The following ABLIM1 variants were observed in gnomAD, a reference collection of about 807,000 sequenced individuals.
ABLIM1 encodes the protein actin binding LIM protein 1.
In ABLIM1, 40 loss-of-function variants were observed where a neutral mutation model predicts 107.0. That is an observed-to-expected ratio of 0.37 (90% confidence interval 0.29 to 0.49). The LOEUF (loss-of-function observed/expected upper bound fraction) is 0.49. ABLIM1 is among the 20% of genes least tolerant of loss of function. ABLIM1 has a pLI of 0.97. For synonymous variants in ABLIM1, 357 were observed against 357.3 expected (o/e 1.00, Z 0.01); for missense variants, 857 against 1,008.5 (o/e 0.85, Z 2.04).
intron 1 of ABLIM1, among the ~76,000 whole-genome samples, chr10:114,608,250 G>A (rs1156426115): frequency 2.0e-5 from 3 of 152,250 alleles, no homozygotes; most frequent in Non-Finnish European, 4.4e-5. Flanking sequence ...TGTAGTCCCA[G>A]CTACTTGGCA....
chr10:114,498,121 T>C (rs1392916416), intron 6 of ABLIM1, among the ~76,000 whole-genome samples: 2 of 152,182 alleles, frequency 1.3e-5, no homozygotes, highest in Non-Finnish European at 2.9e-5. Flanking sequence ...AGTCTGAGAA[T>C]CATACCTCAA....
chr10:114,583,841 C>A (rs1392012994), intron 2 of ABLIM1, among the ~76,000 whole-genome samples: 3 of 151,936 alleles, frequency 2.0e-5, no homozygotes, highest in African/African-American at 7.3e-5. Flanking sequence ...GCTGGAGTCC[C>A]TTATCCTAAG....
intron 1 of ABLIM1, among the ~76,000 whole-genome samples, chr10:114,716,747 G>A (rs2081675429): frequency 6.6e-6 from 1 of 151,512 alleles, no homozygotes; most frequent in Admixed American, 6.6e-5. Flanking sequence ...GAGAGGTTTC[G>A]TGCAGGTCTT....
At chr10:114,688,561 C>T (rs141560317), upstream of ABLIM1, among the ~76,000 whole-genome samples, 3 of 152,288 alleles carry the variant, frequency 2.0e-5, no homozygotes, top group East Asian at 5.8e-4. Context: ...TCTCTGTAGG[C>T]ATTGAACAAA....
upstream of ABLIM1, among the ~76,000 whole-genome samples, chr10:114,661,021 C>A (rs2079771516): frequency 6.6e-6 from 1 of 151,848 alleles, no homozygotes; most frequent in South Asian, 2.1e-4. Flanking sequence ...GCAGAGCATG[C>A]ACAGAACACT....
At chr10:114,526,911 C>A in intron 6 of ABLIM1, 1 of 985,502 alleles carries the variant, frequency 1.0e-6, no homozygotes, top group Non-Finnish European at 1.2e-6. Flanking sequence ...CACGCTCTCT[C>A]ACGCCTCCTC....
Position 114,612,064 on chromosome 10 carries a change from C to A in ABLIM1, c.245-10103G>T, listed in dbSNP as rs540312783. 2.6e-5 allele frequency among the ~76,000 whole-genome samples: 4 copies of A among 152,210 alleles called. No homozygotes were observed. The East Asian group carries it at 7.7e-4, about 29-fold the overall frequency. On this transcript the variant is annotated intron_variant, in intron 1 of 22. Coordinates refer to ENST00000533213, the MANE Select transcript of ABLIM1 (RefSeq NM_002313.7). ...CATGCCCGACCTTCTAGGGTGGTAG[C>A]GGAGACAATGTGAGGCCATATCCTC...
intron 12 of ABLIM1, among the ~76,000 whole-genome samples, chr10:114,457,344 A>G (rs1000668820): frequency 5.3e-5 from 8 of 151,972 alleles, no homozygotes; most frequent in African/African-American, 1.9e-4. Flanking sequence ...GTCTCGGCTC[A>G]TTGTAACCTC....
At chr10:114,625,644 G>C (rs1168001299) in intron 1 of ABLIM1, among the ~76,000 whole-genome samples, 2 of 149,534 alleles carry the variant, frequency 1.3e-5, no homozygotes, top group Non-Finnish European at 3.0e-5. Flanking sequence ...ATACATAAAA[G>C]GGGGGGGTAC....
intron 1 of ABLIM1, among the ~76,000 whole-genome samples, chr10:114,665,194 T>C (rs958999046): frequency 6.6e-6 from 1 of 152,188 alleles, no homozygotes; most frequent in South Asian, 2.1e-4. Context: ...GTATTTCTAT[T>C]GCATTCCCAA....
At chr10:114,460,938 C>T (rs912620011) in intron 12 of ABLIM1, among the ~76,000 whole-genome samples, 4 of 152,200 alleles carry the variant, frequency 2.6e-5, no homozygotes, top group Non-Finnish European at 4.4e-5. Flanking sequence ...TGACACTTTT[C>T]TTTCTACAAA....
At chr10:114,526,088 G>A (rs1267638675) in intron 6 of ABLIM1, among the ~76,000 whole-genome samples, 1 of 152,086 alleles carries the variant, frequency 6.6e-6, no homozygotes, top group Non-Finnish European at 1.5e-5. Context: ...TTTCAACCTA[G>A]AGCCGCAATA....
At chr10:114,574,005 G>A (rs894797601) in intron 3 of ABLIM1, among the ~76,000 whole-genome samples, 3 of 152,144 alleles carry the variant, frequency 2.0e-5, no homozygotes, top group African/African-American at 7.2e-5. Context: ...ATAGAGAAAT[G>A]AGCTAATACA....
At chr10:114,784,402 C>T in the ABLIM1 span, among the ~76,000 whole-genome samples, 55 of 147,974 alleles carry the variant, frequency 3.7e-4, no homozygotes, top group African/African-American at 1.3e-3. Flanking sequence ...TGGTAGCTCA[C>T]GCCTGTAATC....
At chr10:114,557,605 A>T (rs2068922184) in intron 4 of ABLIM1, among the ~76,000 whole-genome samples, 1 of 150,564 alleles carries the variant, frequency 6.6e-6, no homozygotes, top group Non-Finnish European at 1.5e-5. Context: ...TTTCTAAACC[A>T]GTCCCACAGA....
At chr10:114,582,237 C>A (rs1413961954) in intron 2 of ABLIM1, among the ~76,000 whole-genome samples, 16 of 151,808 alleles carry the variant, frequency 1.1e-4, no homozygotes. Flanking sequence ...AAGCTGAGAG[C>A]CAAGTCAAGA....
intron 1 of ABLIM1, among the ~76,000 whole-genome samples, chr10:114,712,220 G>C (rs1240883428): frequency 1.3e-5 from 2 of 151,778 alleles, no homozygotes; most frequent in Admixed American, 1.3e-4. Flanking sequence ...AGGCATGGTG[G>C]TGGGCACCTG....
chr10:114,439,349 T>C lies in ABLIM1; in HGVS notation c.2068-99A>G, dbSNP rs114990092. 9.1e-5 allele frequency: 106 copies of C among 1,159,120 alleles called. No homozygotes were observed. The African/African-American group carries it at 1.3e-3, about 15-fold the overall frequency. 71.8% of individuals were successfully genotyped at this position (1,159,120 alleles called of 1,614,324 possible). On this transcript the variant is annotated intron_variant, in intron 20 of 22. Coordinates refer to ENST00000533213, the MANE Select transcript of ABLIM1 (RefSeq NM_002313.7). ...CAATTCCCTGTTGGGTCTCCAATCCTAACCACTATTTTATTTGTGTCATCT... is the reference window on the plus strand; with the variant it reads ...CAATTCCCTGTTGGGTCTCCAATCCCAACCACTATTTTATTTGTGTCATCT...
At chr10:114,632,207 T>C (rs2078234019) in intron 1 of ABLIM1, 1 of 985,244 alleles carries the variant, frequency 1.0e-6, no homozygotes, top group Non-Finnish European at 1.2e-6. Context: ...TCGCTACAGC[T>C]GCTGCTGTAA....
Sources: allele counts gnomAD v4.1 joint callset (sites outside exome capture counted in the v4.1 genomes callset), GRCh38; gene constraint gnomAD v4.1.1; transcripts MANE v1.5; gene names NCBI Gene and HGNC (gene_info 2026-07-23, HGNC 2026-07-21).